TIMD4: variants seen among roughly 807,000 people sequenced by gnomAD.
TIMD4 encodes T cell immunoglobulin and mucin domain containing 4, also known as T-cell immunoglobulin and mucin domain-containing protein 4.
A neutral mutation model predicts 41.2 loss-of-function variants in TIMD4; 31 were observed. The observed-to-expected ratio is 0.75, with a 90% CI of 0.57 to 1.01. The LOEUF is 1.01. TIMD4 is among the 50% of genes least tolerant of loss of function. The probability of loss-of-function intolerance (pLI) is 0.00; values close to 1 mark genes in which losing one functional copy is unlikely to be tolerated. For missense variants in TIMD4, 479 were observed against 472.5 expected (o/e 1.01, Z -0.13); for synonymous variants, 204 against 177.1 (o/e 1.15, Z -1.21).
At chr5:156,949,426 C>A (rs1020051452) in intron 4 of TIMD4, among the ~76,000 whole-genome samples, 26 of 144,630 alleles carry the variant, frequency 1.8e-4, no homozygotes, top group Admixed American at 1.7e-3. Context: ...CTCCCTCCTC[C>A]TCCTCCTCCT....
Position 156,954,451 on chromosome 5 carries a change from C to A in TIMD4, c.364G>T (p.Asp122Tyr). ...CRIEVPGWFN[D>Y]VKINVRLNLQ... The stretch of plus-strand genomic sequence containing the variant: ...TTCAGGCGCACGTTTATCTTTACAT[C>A]GTTGAACCAGCCAGGCACTTCTATG... Residue 122 changes from aspartate to tyrosine, a missense_variant, in exon 2 of 9, where the codon GAT (aspartate) becomes TAT (tyrosine). Asp to Tyr is a radical substitution (Grantham distance 160). Transcript: ENST00000274532. 2 of 1,614,114 alleles carry A rather than the reference C, an allele frequency of 1.2e-6. No individual in the cohort carries two copies. Among genetic ancestry groups the A allele is most frequent in the Non-Finnish European group, 1.7e-6 (2 of 1,179,990 alleles).
intron 4 of TIMD4, 37 bp from the exon 5 acceptor site, chr5:156,948,536 G>A (rs1372661533): frequency 7.0e-7 from 1 of 1,426,794 alleles, no homozygotes; most frequent in East Asian, 2.5e-5. Context: ...AACAGACTTA[G>A]GTAAATGCTT....
At chr5:156,921,112 T>G (rs931024291) in intron 7 of TIMD4, among the ~76,000 whole-genome samples, 1 of 75,052 alleles carries the variant, frequency 1.3e-5, no homozygotes, top group Non-Finnish European at 2.5e-5. Context: ...TGTAGCATTT[T>G]AAAACTTTTG....
intron 5 of TIMD4, among the ~76,000 whole-genome samples, chr5:156,934,504 C>T (rs1456182096): frequency 6.6e-6 from 1 of 152,096 alleles, no homozygotes; most frequent in Non-Finnish European, 1.5e-5. Context: ...GTTGACCAGG[C>T]TGGTCTCAAA....
In TIMD4 at chr5:156,951,760, G is replaced by A. The variant is rs1287717116; in HGVS notation, c.431C>T (p.Thr144Ile). 1 of 1,614,004 alleles carries A rather than the reference G, an allele frequency of 6.2e-7. No homozygotes were observed. The highest frequency in any genetic ancestry group is 1.3e-5 in the African/African-American group (1 of 74,880). Reference protein sequence around the residue: ...ASTTTHRTATTTTRRTTTTSP... With the variant: ...ASTTTHRTATITTRRTTTTSP... ...TGTTGTTGTTGTTCTGCGTGTGGTG[G>A]TGGTTGCTGTTCTGTGCGTGGTTGT... is the stretch of plus-strand genomic sequence containing the variant. The change falls in exon 3 of 9, where the codon ACC becomes ATC. Residue 144 changes from threonine (T) to isoleucine (I), a missense_variant. Transcript: ENST00000274532.
chr5:156,921,616 CAAAAAAAAAAA>C (rs66842169), intron 7 of TIMD4, among the ~76,000 whole-genome samples: 18 of 47,268 alleles, frequency 3.8e-4, no homozygotes, highest in Non-Finnish European at 6.4e-4. Context: ...GAGACTCTCT[CAAAAAAAAAAA>C]AAAAAAAAAA....
At chr5:156,938,955 C>T (rs1451275727) in intron 5 of TIMD4, among the ~76,000 whole-genome samples, 1 of 152,166 alleles carries the variant, frequency 6.6e-6, no homozygotes, top group Non-Finnish European at 1.5e-5. Context: ...CTGGTGTCTT[C>T]CTGTCTAGCT....
chr5:156,940,924 G>A (rs923585392), intron 5 of TIMD4, among the ~76,000 whole-genome samples: 6 of 152,262 alleles, frequency 3.9e-5, no homozygotes, highest in African/African-American at 1.4e-4. Context: ...TACTGTGTCT[G>A]TGTAGAAAGA....
At chr5:156,945,899 G>A (rs1449591362) in intron 5 of TIMD4, among the ~76,000 whole-genome samples, 1 of 152,182 alleles carries the variant, frequency 6.6e-6, no homozygotes, top group Admixed American at 6.5e-5. Flanking sequence ...AGTGGCCCAG[G>A]AAGATGGCTT....
chr5:156,926,249 C>T lies in TIMD4; in HGVS notation c.894+14G>A. 2 of 1,612,692 alleles carry T rather than the reference C, an allele frequency of 1.2e-6. No individual in the cohort carries two copies. Among genetic ancestry groups the T allele is most frequent in the Non-Finnish European group, 1.7e-6 (2 of 1,179,068 alleles). On this transcript the variant is annotated intron_variant, in intron 6 of 8. Coordinates refer to ENST00000274532, the MANE Select transcript of TIMD4 (RefSeq NM_138379.3). ...TTTAAGTGATATACTGCAAATACTT[C>T]ACAGATTTTTTACCTGTCCTGTTTT...
At chr5:156,942,430 G>C (rs1759666358) in intron 5 of TIMD4, among the ~76,000 whole-genome samples, 1 of 152,134 alleles carries the variant, frequency 6.6e-6, no homozygotes, top group Non-Finnish European at 1.5e-5. Context: ...TATCTTCTTA[G>C]TTTCCCAGCA....
chr5:156,943,707 T>C (rs2113371637), intron 5 of TIMD4, among the ~76,000 whole-genome samples: 1 of 152,174 alleles, frequency 6.6e-6, no homozygotes, highest in Non-Finnish European at 1.5e-5. Flanking sequence ...AGGAGGCCTT[T>C]TGGGAGAAAC....
At position 156,951,558 on chromosome 5, in the gene TIMD4, A is replaced by T; in HGVS notation, c.633T>A (p.Gly211=). The T allele has an allele frequency of 6.2e-7, 1 of 1,614,086 alleles. No individual in the cohort carries two copies. Among genetic ancestry groups the T allele is most frequent in the Non-Finnish European group, 8.5e-7 (1 of 1,180,016 alleles). ...TPSTLPEEAT[G]LLTPEPSKEG... Reference sequence around the variant, plus strand: ...CCTTAGAAGGCTCGGGAGTCAGAAGACCTGTGGCTTCCTCCGGAAGGGTGC... The same window carrying T: ...CCTTAGAAGGCTCGGGAGTCAGAAGTCCTGTGGCTTCCTCCGGAAGGGTGC... The change falls in exon 3 of 9, where the codon GGT becomes GGA. Residue 211 remains glycine (G), a synonymous_variant. Coordinates refer to ENST00000274532, the MANE Select transcript of TIMD4 (RefSeq NM_138379.3).
rs777662242 is a variant in TIMD4 at position 156,920,477 on chromosome 5, G to C, written c.1039C>G (p.Gln347Glu). 5 of 1,613,954 alleles carry C rather than the reference G, an allele frequency of 3.1e-6. No homozygotes were observed. The highest frequency in any genetic ancestry group is 2.5e-6 in the Non-Finnish European group (3 of 1,179,962). Residue 347 changes from glutamine (Q) to glutamate (E), a missense_variant, in exon 8 of 9, where the codon CAG becomes GAG. By Grantham distance (29) the Gln-to-Glu change is conservative. Coordinates refer to ENST00000274532, the MANE Select transcript of TIMD4 (RefSeq NM_138379.3). Reference sequence around the variant, plus strand: ...AAGATAGATTACCTTGTGTGTTTCTGCGAACAATAGGTTTCCATGAGTTTC... The same window carrying C: ...AAGATAGATTACCTTGTGTGTTTCTCCGAACAATAGGTTTCCATGAGTTTC... ...RGKLMETYCS[Q>E]KHTRLDYIGD...
rs527408995 is a variant in TIMD4 at position 156,941,297 on chromosome 5, C to A, written c.844+7119G>T. On this transcript the variant is annotated intron_variant, in intron 5 of 8. Transcript: ENST00000274532. The stretch of plus-strand genomic sequence containing the variant: ...CCAAATCCCCCTCTCCGAGAAACAC[C>A]CAAGAATGATCAATAAATACTAAAA... 3.1e-4 allele frequency among the ~76,000 whole-genome samples: 47 copies of A among 152,008 alleles called. 1 individual carries two copies. The highest frequency in any genetic ancestry group is 1.0e-3 in the African/African-American group (43 of 41,468).
intron 1 of TIMD4, among the ~76,000 whole-genome samples, chr5:156,957,526 A>G: frequency 1.4e-5 from 2 of 144,758 alleles, no homozygotes; most frequent in African/African-American, 2.6e-5. Context: ...AAAAAAAAAG[A>G]AAAAAGAAAA....
At position 156,937,192 on chromosome 5, in the gene TIMD4, C is replaced by T. The variant is rs192606379; in HGVS notation, c.845-10880G>A. On this transcript the variant is annotated intron_variant, in intron 5 of 8. Coordinates refer to ENST00000274532, the MANE Select transcript of TIMD4 (RefSeq NM_138379.3). ...AGCTCTGAGGGGTCCATATCTTGCC[C>T]AAGGCTGCATAGCTAATAATGAGAG... is the stretch of plus-strand genomic sequence containing the variant. Among the ~76,000 whole-genome samples the T allele has an allele frequency of 2.6e-3, 394 of 152,160 alleles. 3 individuals carry two copies. The highest frequency in any genetic ancestry group is 8.3e-3 in the Admixed American group (127 of 15,272).
intron 1 of TIMD4, among the ~76,000 whole-genome samples, chr5:156,958,337 AGG>A (rs1760017730): frequency 7.8e-6 from 1 of 127,648 alleles, no homozygotes. Flanking sequence ...AGGAAAGGAA[AGG>A]AAAGGAAAGG....
chr5:156,959,212 G>A (rs1226967005), intron 1 of TIMD4, among the ~76,000 whole-genome samples: 2 of 152,152 alleles, frequency 1.3e-5, no homozygotes, highest in African/African-American at 2.4e-5. Context: ...GGAAGCAGGT[G>A]CTGAGTATGG....
Sources: allele counts gnomAD v4.1 joint callset (sites outside exome capture counted in the v4.1 genomes callset), GRCh38; gene constraint gnomAD v4.1.1; transcripts MANE v1.5; gene names NCBI Gene and HGNC (gene_info 2026-07-23, HGNC 2026-07-21).